The following DPYD variants were observed in gnomAD, a reference collection of about 807,000 sequenced individuals.
DPYD encodes dihydropyrimidine dehydrogenase [NADP(+)].
In DPYD, 109 loss-of-function variants were observed where a neutral mutation model predicts 116.2. The observed-to-expected ratio is 0.94, with a 90% CI of 0.80 to 1.10. DPYD has a LOEUF of 1.10. Ranked by LOEUF, DPYD falls within the 50% of genes least tolerant of loss-of-function variation. DPYD has a pLI of 0.00. For synonymous variants in DPYD, 440 were observed against 432.0 expected, an observed-to-expected ratio of 1.02 and a Z score of -0.23; for missense variants, 1,302 against 1,254.5, an observed-to-expected ratio of 1.04 and a Z score of -0.57.
At chr1:97,863,058 C>A (rs1571490629) in intron 2 of DPYD, among the ~76,000 whole-genome samples, 1 of 151,704 alleles carries the variant, frequency 6.6e-6, no homozygotes, top group Admixed American at 6.6e-5. Flanking sequence ...ATATATTTTA[C>A]TCAAGAAGTT....
At position 97,334,191 on chromosome 1, in the gene DPYD, C is replaced by T. The variant is rs189282867; in HGVS notation, c.2059-27894G>A. ...CTCAGCACTAGTAGATTTACTTTTC[C>T]CCAATAATTTCTTGTTAATTTTTCA... On this transcript the variant is annotated intron_variant, in intron 16 of 22. Transcript: ENST00000370192. Among the ~76,000 whole-genome samples the T allele has an allele frequency of 4.7e-4, 72 of 152,112 alleles. 1 individual carries two copies. Among genetic ancestry groups the T allele is most frequent in the African/African-American group, 1.6e-3 (66 of 41,514 alleles).
At chr1:97,895,495 T>C (rs759162859) in intron 1 of DPYD, among the ~76,000 whole-genome samples, 1 of 151,806 alleles carries the variant, frequency 6.6e-6, no homozygotes, top group African/African-American at 2.4e-5. Context: ...GCGTGACTAG[T>C]TGCCCTTCAT....
intron 19 of DPYD, among the ~76,000 whole-genome samples, chr1:97,213,763 T>C (rs1348457414): frequency 1.3e-5 from 2 of 152,194 alleles, no homozygotes; most frequent in Non-Finnish European, 2.9e-5. Context: ...ACCTTCGTCC[T>C]CTGTTTTCTT....
rs113134283 is a variant in DPYD at position 97,903,947 on chromosome 1, G to C, written c.39+16937C>G. Among the ~76,000 whole-genome samples the C allele has an allele frequency of 4.0e-3, 603 of 151,976 alleles. 5 individuals are homozygous for C. Among genetic ancestry groups the C allele is most frequent in the African/African-American group, 0.014 (577 of 41,492 alleles). On this transcript the variant is annotated intron_variant, in intron 1 of 22. Transcript: ENST00000370192. ...AAGGGAAATAGGAGAAGATGGAGAGGGGTGAGGTGAAAGCTAGACCCAGTG... is the reference window on the plus strand; with the variant it reads ...AAGGGAAATAGGAGAAGATGGAGAGCGGTGAGGTGAAAGCTAGACCCAGTG...
chr1:97,712,869 T>C (rs917239182), intron 5 of DPYD, among the ~76,000 whole-genome samples: 10 of 152,226 alleles, frequency 6.6e-5, no homozygotes, highest in African/African-American at 2.4e-4. Context: ...GTTGCACCTA[T>C]TTTTTATTAA....
chr1:97,273,376 T>A (rs1220156998), intron 18 of DPYD, among the ~76,000 whole-genome samples: 2 of 152,132 alleles, frequency 1.3e-5, no homozygotes, highest in Non-Finnish European at 2.9e-5. Flanking sequence ...ATATAAAATA[T>A]GTTTGAGGCA....
At chr1:97,787,973 A>G (rs915907768) in intron 3 of DPYD, among the ~76,000 whole-genome samples, 1 of 152,208 alleles carries the variant, frequency 6.6e-6, no homozygotes, top group African/African-American at 2.4e-5. Flanking sequence ...TTAAATTGCC[A>G]TTGCAACACA....
At chr1:97,627,243 A>C (rs549034505) in intron 8 of DPYD, among the ~76,000 whole-genome samples, 1 of 152,232 alleles carries the variant, frequency 6.6e-6, no homozygotes, top group East Asian at 1.9e-4. Flanking sequence ...GCTGAGATGC[A>C]GATCCAGGAT....
At chr1:97,559,950 C>T (rs1229935613) in intron 11 of DPYD, among the ~76,000 whole-genome samples, 1 of 152,150 alleles carries the variant, frequency 6.6e-6, no homozygotes, top group Non-Finnish European at 1.5e-5. Context: ...ATAGGTATAA[C>T]TCAATTTTAT....
intron 1 of DPYD, among the ~76,000 whole-genome samples, chr1:97,901,601 T>C (rs1350775801): frequency 6.6e-6 from 1 of 151,814 alleles, no homozygotes; most frequent in Non-Finnish European, 1.5e-5. Flanking sequence ...ATAAGGGGAA[T>C]AGTATGCACA....
intron 3 of DPYD, among the ~76,000 whole-genome samples, chr1:97,823,408 C>T (rs1413388915): frequency 6.6e-6 from 1 of 152,052 alleles, no homozygotes; most frequent in Non-Finnish European, 1.5e-5. Flanking sequence ...AATTTTCTCA[C>T]GTTATTTTAA....
At chr1:97,857,026 C>T (rs941776513) in intron 2 of DPYD, among the ~76,000 whole-genome samples, 2 of 152,144 alleles carry the variant, frequency 1.3e-5, no homozygotes, top group Non-Finnish European at 2.9e-5. Flanking sequence ...CCCCAACCTC[C>T]TATTCTATAA....
intron 3 of DPYD, among the ~76,000 whole-genome samples, chr1:97,823,026 A>T (rs543616846): frequency 1.3e-4 from 20 of 152,370 alleles, no homozygotes; most frequent in African/African-American, 4.3e-4. Context: ...GGCACATAAT[A>T]GTTGCACATA....
intron 3 of DPYD, among the ~76,000 whole-genome samples, chr1:97,814,928 G>A (rs113151104): frequency 0.38 from 41,733 of 108,706 alleles, 8,901 homozygotes; most frequent in East Asian, 0.58. Context: ...AAAAGAAAGA[G>A]AGAGGAAAGA....
At chr1:97,181,813 T>G (rs1299301748) in intron 20 of DPYD, among the ~76,000 whole-genome samples, 1 of 152,176 alleles carries the variant, frequency 6.6e-6, no homozygotes, top group East Asian at 1.9e-4. Flanking sequence ...ATGTTACGAA[T>G]AGTTATAATA....
intron 16 of DPYD, among the ~76,000 whole-genome samples, chr1:97,306,511 A>G (rs1667183805): frequency 6.6e-6 from 1 of 151,984 alleles, no homozygotes; most frequent in African/African-American, 2.4e-5. Flanking sequence ...TTCATCACAT[A>G]AAGGTTAAAT....
Position 97,360,253 on chromosome 1 carries a change from T to G in DPYD, c.2058+13308A>C, listed in dbSNP as rs184712214. 5.9e-5 allele frequency among the ~76,000 whole-genome samples: 9 copies of G among 152,310 alleles called. 1 individual carries two copies. Among genetic ancestry groups the G allele is most frequent in the Non-Finnish European group, 1.5e-5 (1 of 68,028 alleles). On this transcript the variant is annotated intron_variant, in intron 16 of 22. Coordinates refer to ENST00000370192, the MANE Select transcript of DPYD (RefSeq NM_000110.4). ...ATTTAACAAGAAGAGCTAACTAACCTAAATAAATATGCACCCAATACAGGA... is the reference window on the plus strand; with the variant it reads ...ATTTAACAAGAAGAGCTAACTAACCGAAATAAATATGCACCCAATACAGGA...
intron 13 of DPYD, among the ~76,000 whole-genome samples, chr1:97,498,519 CTTAT>C (rs1679400278): frequency 6.8e-6 from 1 of 146,732 alleles, no homozygotes; most frequent in African/African-American, 2.5e-5. Flanking sequence ...TGTGTGTGTA[CTTAT>C]TTAAAAGCCA....
intron 20 of DPYD, among the ~76,000 whole-genome samples, chr1:97,134,349 T>C (rs1245450292): frequency 1.3e-5 from 2 of 152,020 alleles, no homozygotes; most frequent in Non-Finnish European, 2.9e-5. Context: ...AAGCCAGAAT[T>C]TGGTATTCTC....
Sources: allele counts gnomAD v4.1 joint callset (sites outside exome capture counted in the v4.1 genomes callset), GRCh38; gene constraint gnomAD v4.1.1; transcripts MANE v1.5; gene names NCBI Gene and HGNC (gene_info 2026-07-23, HGNC 2026-07-21).